ARHGEF7: variants seen among roughly 807,000 people sequenced by gnomAD.
The protein encoded by ARHGEF7 is Rho guanine nucleotide exchange factor 7.
ARHGEF7 carries 33 observed loss-of-function variants against 109.8 expected under a neutral mutation model. That is an observed-to-expected ratio of 0.30 (90% CI 0.23 to 0.40). The LOEUF (loss-of-function observed/expected upper bound fraction) is 0.40. ARHGEF7 is among the 10% of genes least tolerant of loss of function. ARHGEF7 has a pLI of 1.00. For missense variants in ARHGEF7, 938 were observed against 1,098.5 expected, an observed-to-expected ratio of 0.85 and a Z score of 2.07; for synonymous variants, 458 against 424.6, an observed-to-expected ratio of 1.08 and a Z score of -0.97.
At chr13:111,188,544 T>TGCGA (rs887294143) in intron 2 of ARHGEF7, among the ~76,000 whole-genome samples, 3 of 152,236 alleles carry the variant, frequency 2.0e-5, no homozygotes, top group Admixed American at 6.5e-5. Flanking sequence ...GAGAGGCTTC[T>TGCGA]GCGAAAGAAT....
At chr13:111,152,073 CT>C (rs1355639543) in intron 1 of ARHGEF7, among the ~76,000 whole-genome samples, 4 of 152,088 alleles carry the variant, frequency 2.6e-5, no homozygotes, top group African/African-American at 4.8e-5. Context: ...TGATGATTGA[CT>C]GTATTTGTAG....
At chr13:111,213,127 G>A (rs1479674486) in intron 4 of ARHGEF7, among the ~76,000 whole-genome samples, 5 of 152,142 alleles carry the variant, frequency 3.3e-5, no homozygotes, top group Admixed American at 3.3e-4. Context: ...TGGATTGTTA[G>A]GGTAATTTCA....
intron 19 of ARHGEF7, among the ~76,000 whole-genome samples, chr13:111,298,831 G>A (rs2093486482): frequency 1.3e-5 from 2 of 152,214 alleles, no homozygotes; most frequent in South Asian, 2.1e-4. Flanking sequence ...ATGAGGGGGA[G>A]GGAGGGTCGC....
At chr13:111,280,120 A>C (rs1462304487) in intron 13 of ARHGEF7, 152 bp from the exon 14 acceptor site, 1 of 727,338 alleles carries the variant, frequency 1.4e-6, no homozygotes, top group Non-Finnish European at 2.2e-6. Context: ...TTTTTGTATT[A>C]TACACACATC....
intron 2 of ARHGEF7, among the ~76,000 whole-genome samples, chr13:111,170,089 T>C (rs1369240100): frequency 6.6e-6 from 1 of 152,176 alleles, no homozygotes; most frequent in East Asian, 1.9e-4. Flanking sequence ...GCCAACGTGA[T>C]ACAAGCTAGC....
intron 5 of ARHGEF7, among the ~76,000 whole-genome samples, chr13:111,231,643 C>CTTA (rs2086071130): frequency 1.3e-5 from 2 of 152,146 alleles, no homozygotes; most frequent in African/African-American, 4.8e-5. Context: ...GACCTGAAGC[C>CTTA]TTAGAGTGTT....
At chr13:111,206,960 T>TAAAA (rs35814705) in intron 3 of ARHGEF7, among the ~76,000 whole-genome samples, 20 of 53,704 alleles carry the variant, frequency 3.7e-4, no homozygotes, top group Non-Finnish European at 4.8e-4. Context: ...AGACTCCATC[T>TAAAA]AAAAAAAAAA....
intron 1 of ARHGEF7, among the ~76,000 whole-genome samples, chr13:111,151,849 A>T (rs1486247556): frequency 6.6e-6 from 1 of 152,160 alleles, no homozygotes; most frequent in Non-Finnish European, 1.5e-5. Context: ...AAGTAGAGTG[A>T]GAAGAGGACA....
Position 111,288,557 on chromosome 13 carries a change from T to G in ARHGEF7, c.2134+114T>G, listed in dbSNP as rs553153429. On this transcript the variant is annotated intron_variant, in intron 18 of 21. Coordinates refer to ENST00000646102, the MANE Select transcript of ARHGEF7 (RefSeq NM_001354046.2). Reference sequence around the variant, plus strand: ...CCTTGCACAGCCCATGCGCCTGACCTCCCAGTGAGTGATGTTTCAGTCAGG... The same window carrying G: ...CCTTGCACAGCCCATGCGCCTGACCGCCCAGTGAGTGATGTTTCAGTCAGG... The G allele has an allele frequency of 8.3e-4, 501 of 605,890 alleles. 3 individuals carry two copies. In the African/African-American group the frequency reaches 8.6e-3, roughly 10 times the overall value. The allele number at this position is 605,890 out of a possible 1,614,324, so 37.5% of individuals were successfully genotyped here. A position where few individuals can be genotyped will look rare whatever the true frequency, so the allele number is the denominator to read the frequency against.
chr13:111,274,597 T>G, intron 10 of ARHGEF7, 134 bp from the exon 11 acceptor site: 1 of 448,238 alleles, frequency 2.2e-6, no homozygotes, highest in Non-Finnish European at 3.9e-6. Flanking sequence ...AGACTGACAC[T>G]TTAATGCTGA....
chr13:111,177,311 A>C (rs1536046), intron 2 of ARHGEF7, among the ~76,000 whole-genome samples: 138,777 of 152,278 alleles, frequency 0.91, 63,289 homozygotes, highest in Middle Eastern at 0.95. Context: ...AAGAAACACA[A>C]ATGATGTTGT....
At chr13:111,208,927 A>G (rs1000854512) in intron 3 of ARHGEF7, among the ~76,000 whole-genome samples, 1 of 152,184 alleles carries the variant, frequency 6.6e-6, no homozygotes, top group African/African-American at 2.4e-5. Flanking sequence ...ACCTGATGGG[A>G]TATAGACCTG....
At chr13:111,259,317 A>G (rs544971393) in intron 8 of ARHGEF7, among the ~76,000 whole-genome samples, 1 of 152,306 alleles carries the variant, frequency 6.6e-6, no homozygotes, top group Admixed American at 6.5e-5. Context: ...GAACCAGTGC[A>G]GTCCCAATGG....
At chr13:111,262,208 A>G (rs1173242735) in intron 8 of ARHGEF7, among the ~76,000 whole-genome samples, 2 of 152,236 alleles carry the variant, frequency 1.3e-5, no homozygotes, top group East Asian at 1.9e-4. Context: ...TCAGACTAAG[A>G]AAAAAGAGAA....
rs746000605 is a variant in ARHGEF7 at position 111,280,260 on chromosome 13, G to C, written c.1507-12G>C. On this transcript the variant is annotated splice_polypyrimidine_tract_variant and intron_variant, in intron 13 of 21. Coordinates refer to ENST00000646102, the MANE Select transcript of ARHGEF7 (RefSeq NM_001354046.2). ...AATTGTTTTTTTTTTTGTGGGGGGG[G>C]GTCTTTTTTAGGGAAAGCTTCCAAC... 3 of 1,601,518 alleles carry C rather than the reference G, an allele frequency of 1.9e-6. No individual in the cohort carries two copies. The highest frequency in any genetic ancestry group is 2.2e-5 in the East Asian group (1 of 44,734).
chr13:111,118,603 A>G (rs1442789048), intron 1 of ARHGEF7, among the ~76,000 whole-genome samples: 1 of 152,178 alleles, frequency 6.6e-6, no homozygotes, highest in Non-Finnish European at 1.5e-5. Context: ...AGCAGAGGTC[A>G]TGACGTCTAG....
At chr13:111,198,612 G>T (rs1165113358) in intron 2 of ARHGEF7, among the ~76,000 whole-genome samples, 2 of 152,142 alleles carry the variant, frequency 1.3e-5, no homozygotes, top group Non-Finnish European at 2.9e-5. Flanking sequence ...TGGGTTCGTG[G>T]TCTTGCTGAC....
At chr13:111,274,826 A>G (rs2092383902) in intron 11 of ARHGEF7, 36 bp downstream of exon 11, 1 of 1,297,264 alleles carries the variant, frequency 7.7e-7, no homozygotes, top group Admixed American at 2.8e-5. Flanking sequence ...CCCCCCAGAC[A>G]TTATTGTGAC....
intron 8 of ARHGEF7, among the ~76,000 whole-genome samples, chr13:111,245,128 C>T (rs542459019): frequency 6.6e-6 from 1 of 152,124 alleles, no homozygotes; most frequent in Non-Finnish European, 1.5e-5. Flanking sequence ...TTGACCAATG[C>T]CGGCTGCAGG....
Sources: allele counts gnomAD v4.1 joint callset (sites outside exome capture counted in the v4.1 genomes callset), GRCh38; gene constraint gnomAD v4.1.1; transcripts MANE v1.5; gene names NCBI Gene and HGNC (gene_info 2026-07-23, HGNC 2026-07-21).